The following LPAR3 variants were observed in gnomAD, a reference collection of about 807,000 sequenced individuals.
The protein encoded by LPAR3 is LPA receptor 3.
A neutral mutation model predicts 17.8 loss-of-function variants in LPAR3; 7 were observed. The ratio of observed to expected loss-of-function variants is 0.39; its 90% CI spans 0.22 to 0.74. The LOEUF is 0.74. Among genes scored for constraint, LPAR3 ranks in the 30% least tolerant of loss-of-function variants. The pLI is 0.40. For missense variants in LPAR3, 391 were observed against 453.4 expected (o/e 0.86, Z 1.25); for synonymous variants, 179 against 179.9 (o/e 0.99, Z 0.04).
At chr1:84,868,864 A>C (rs1011564290) in intron 1 of LPAR3, among the ~76,000 whole-genome samples, 1 of 152,196 alleles carries the variant, frequency 6.6e-6, no homozygotes, top group Non-Finnish European at 1.5e-5. Flanking sequence ...TTAATTACCT[A>C]AAGTATTTTT....
intron 2 of LPAR3, among the ~76,000 whole-genome samples, chr1:84,823,847 T>C (rs1659100749): frequency 6.6e-6 from 1 of 152,200 alleles, no homozygotes; most frequent in Non-Finnish European, 1.5e-5. Context: ...AGATCAGCTG[T>C]GTGTACTGAC....
chr1:84,868,778 G>A (rs1004594020), intron 1 of LPAR3, among the ~76,000 whole-genome samples: 14 of 152,170 alleles, frequency 9.2e-5, no homozygotes, highest in Non-Finnish European at 5.9e-5. Context: ...GCCCTCACCA[G>A]ACACCAAATC....
chr1:84,856,736 G>A (rs565718594), intron 2 of LPAR3, among the ~76,000 whole-genome samples: 2 of 152,244 alleles, frequency 1.3e-5, no homozygotes, highest in East Asian at 3.9e-4. Flanking sequence ...TAGCAAGAGG[G>A]GGACAGTTTC....
chr1:84,886,664 C>T (rs1459263355), intron 1 of LPAR3, among the ~76,000 whole-genome samples: 1 of 152,154 alleles, frequency 6.6e-6, no homozygotes, highest in Non-Finnish European at 1.5e-5. Flanking sequence ...TACTTCATTA[C>T]ATCTATGTTT....
At chr1:84,850,311 C>T (rs953768622) in intron 2 of LPAR3, among the ~76,000 whole-genome samples, 2 of 138,554 alleles carry the variant, frequency 1.4e-5, no homozygotes, top group African/African-American at 5.4e-5. Flanking sequence ...TACCCCAGCA[C>T]TTTGGGAGGC....
chr1:84,846,540 T>C (rs1466233553), intron 2 of LPAR3, among the ~76,000 whole-genome samples: 2 of 152,168 alleles, frequency 1.3e-5, no homozygotes, highest in African/African-American at 4.8e-5. Flanking sequence ...AAGCATTCTC[T>C]AAAATATTTT....
chr1:84,853,823 G>T (rs796922717), intron 2 of LPAR3, among the ~76,000 whole-genome samples: 8 of 152,122 alleles, frequency 5.3e-5, no homozygotes, highest in African/African-American at 1.9e-4. Flanking sequence ...CAACACTCAA[G>T]ATCCTACATG....
In LPAR3 at chr1:84,865,707, G is replaced by A. The variant is rs749759438; in HGVS notation, c.414C>T (p.Ser138=). Residue 138 remains serine (S), a synonymous_variant, in exon 2 of 3, where the codon AGC becomes AGT. Coordinates refer to ENST00000370611, the MANE Select transcript of LPAR3 (RefSeq NM_012152.3). Reference sequence around the variant, plus strand: ...GTGTCACCCTCTTTTTGGTCAGGTTGCTATGGACCCGCATCCTCATGATTG... The same window carrying A: ...GTGTCACCCTCTTTTTGGTCAGGTTACTATGGACCCGCATCCTCATGATTG... The part of the protein sequence containing the change: ...HMSIMRMRVH[S]NLTKKRVTLL... The A allele has an allele frequency of 1.2e-6, 2 of 1,614,198 alleles. No individual in the cohort carries two copies. Among genetic ancestry groups the A allele is most frequent in the South Asian group, 2.2e-5 (2 of 91,076 alleles).
At chr1:84,863,200 A>G (rs1659974323) in intron 2 of LPAR3, among the ~76,000 whole-genome samples, 1 of 152,006 alleles carries the variant, frequency 6.6e-6, no homozygotes, top group Non-Finnish European at 1.5e-5. Context: ...TCAGCCACCC[A>G]AGTAGCTGGG....
intron 2 of LPAR3, among the ~76,000 whole-genome samples, chr1:84,824,066 G>T (rs1659103395): frequency 6.6e-6 from 1 of 152,154 alleles, no homozygotes; most frequent in Admixed American, 6.5e-5. Context: ...GTGCCCTGGG[G>T]GAATGTATAA....
At chr1:84,869,951 G>A (rs1183243758) in intron 1 of LPAR3, among the ~76,000 whole-genome samples, 1 of 152,192 alleles carries the variant, frequency 6.6e-6, no homozygotes, top group Non-Finnish European at 1.5e-5. Context: ...ACACAAGGAT[G>A]TAGCTTTCAC....
intron 1 of LPAR3, among the ~76,000 whole-genome samples, chr1:84,875,792 A>G (rs1660244834): frequency 6.6e-6 from 1 of 152,160 alleles, no homozygotes; most frequent in South Asian, 2.1e-4. Flanking sequence ...GTGGTACCAT[A>G]TTCCCTTTCT....
At chr1:84,846,937 T>C (rs55706573) in intron 2 of LPAR3, among the ~76,000 whole-genome samples, 1,843 of 152,278 alleles carry the variant, frequency 0.012, 16 homozygotes, top group South Asian at 0.043. Context: ...GGGGCTACCC[T>C]GTAGTTTATT....
chr1:84,829,114 A>T (rs1414072240), intron 2 of LPAR3, among the ~76,000 whole-genome samples: 1 of 136,434 alleles, frequency 7.3e-6, no homozygotes, highest in Non-Finnish European at 1.5e-5. Context: ...ATTCCCTAAA[A>T]TATTATTCTG....
intron 2 of LPAR3, among the ~76,000 whole-genome samples, chr1:84,821,693 A>T (rs1376024076): frequency 6.6e-6 from 1 of 152,234 alleles, no homozygotes; most frequent in African/African-American, 2.4e-5. Flanking sequence ...GATTCATCTG[A>T]AGACTAGCTA....
At chr1:84,823,563 C>T (rs567678493) in intron 2 of LPAR3, among the ~76,000 whole-genome samples, 1 of 152,070 alleles carries the variant, frequency 6.6e-6, no homozygotes, top group Non-Finnish European at 1.5e-5. Flanking sequence ...AAACTTGTGG[C>T]CAGCTTTCCA....
intron 2 of LPAR3, among the ~76,000 whole-genome samples, chr1:84,829,340 A>C (rs1659237549): frequency 6.6e-6 from 1 of 151,792 alleles, no homozygotes; most frequent in Non-Finnish European, 1.5e-5. Flanking sequence ...TGATTCCATG[A>C]GTCTGGAATG....
chr1:84,844,080 A>T (rs994327970), intron 2 of LPAR3, among the ~76,000 whole-genome samples: 3 of 152,252 alleles, frequency 2.0e-5, no homozygotes, highest in Non-Finnish European at 4.4e-5. Context: ...TTATGAAGCC[A>T]GGGACTTTGT....
chr1:84,837,749 C>G (rs1049008467), intron 2 of LPAR3, among the ~76,000 whole-genome samples: 1 of 152,180 alleles, frequency 6.6e-6, no homozygotes, highest in African/African-American at 2.4e-5. Flanking sequence ...AGGTTGTAAT[C>G]AAACTTCACT....
Sources: allele counts gnomAD v4.1 joint callset (sites outside exome capture counted in the v4.1 genomes callset), GRCh38; gene constraint gnomAD v4.1.1; transcripts MANE v1.5; gene names NCBI Gene and HGNC (gene_info 2026-07-23, HGNC 2026-07-21).